The following SRGAP2 variants were observed in gnomAD, a reference collection of about 807,000 sequenced individuals.
SRGAP2 encodes SLIT-ROBO Rho GTPase-activating protein 2.
SRGAP2 carries 15 observed loss-of-function variants against 57.2 expected under a neutral mutation model. The observed-to-expected ratio is 0.26, with a 90% CI of 0.18 to 0.40. SRGAP2 has a LOEUF of 0.40. Ranked by LOEUF, SRGAP2 falls within the 10% of genes least tolerant of loss-of-function variation. SRGAP2 has a pLI of 1.00. For missense variants in SRGAP2, 520 were observed against 669.6 expected, an observed-to-expected ratio of 0.78 and a Z score of 2.47; for synonymous variants, 249 against 248.0, an observed-to-expected ratio of 1.00 and a Z score of -0.04.
intron 3 of SRGAP2, among the ~76,000 whole-genome samples, chr1:206,331,938 G>A (rs1674388790): frequency 5.6e-4 from 29 of 52,030 alleles, no homozygotes; most frequent in South Asian, 2.1e-3. Flanking sequence ...ATTTTGCAGC[G>A]GCTGGTACCG....
Position 206,205,767 on chromosome 1 carries a change from C to G in SRGAP2, c.-204C>G. On this transcript the variant is annotated 5_prime_UTR_variant, in exon 2 of 23. Transcript: ENST00000573034. ...CACAGGCACCAGCCGCCGCCGCACC[C>G]GGCCCCAGCGCCCACCGTCTGCATG... is the stretch of plus-strand genomic sequence containing the variant. 1.5e-6 allele frequency: 1 copy of G among 675,940 alleles called. No homozygotes were observed. Among genetic ancestry groups the G allele is most frequent in the Non-Finnish European group, 2.5e-6 (1 of 395,008 alleles). The allele number at this position is 675,940 out of a possible 1,614,324, so 41.9% of individuals were successfully genotyped here.
rs1242719367 is a variant in SRGAP2, at chr1:206,257,740, ATATACATATATATATAC to A, written c.68-45536_68-45520del. 5.4e-3 allele frequency among the ~76,000 whole-genome samples: 636 copies of A among 117,242 alleles called. 1 individual carries two copies. Among genetic ancestry groups the A allele is most frequent in the Admixed American group, 7.5e-3 (88 of 11,724 alleles). The allele number at this position is 117,242 out of a possible 152,430, so 76.9% of individuals were successfully genotyped here. On this transcript the variant is annotated intron_variant, in intron 2 of 22. Transcript: ENST00000573034. ...GTGGTGGTAGGAAAGCAGACTATAT[ATATACATATATATATAC>A]TATATATATACATGCAACAAATGAT... is the stretch of plus-strand genomic sequence containing the variant.
At chr1:206,283,095 G>A (rs1670821343) in intron 2 of SRGAP2, among the ~76,000 whole-genome samples, 1 of 151,610 alleles carries the variant, frequency 6.6e-6, no homozygotes, top group African/African-American at 2.4e-5. Context: ...CATGCTGTTG[G>A]CTGGAGTACT....
chr1:206,312,013 A>C (rs538097000), intron 3 of SRGAP2: 9 of 152,384 alleles, frequency 5.9e-5, no homozygotes, highest in African/African-American at 2.2e-4. Flanking sequence ...ATTTTCATTC[A>C]GTTGGTGAAC....
At chr1:206,446,392 C>A in intron 18 of SRGAP2, 93 bp downstream of exon 18, 1 of 730,966 alleles carries the variant, frequency 1.4e-6, no homozygotes. Flanking sequence ...AGGGAAACAC[C>A]CAGATCCTCC....
At chr1:206,220,755 TC>T (rs782697340) in intron 2 of SRGAP2, among the ~76,000 whole-genome samples, 1 of 152,160 alleles carries the variant, frequency 6.6e-6, no homozygotes, top group Non-Finnish European at 1.5e-5. Flanking sequence ...TCATTTGGGT[TC>T]TCAGCAACTT....
intron 14 of SRGAP2, among the ~76,000 whole-genome samples, chr1:206,436,095 A>AT (rs11412848): frequency 0.28 from 41,459 of 149,712 alleles, 5,951 homozygotes; most frequent in South Asian, 0.36. Flanking sequence ...TTTTGGGGGG[A>AT]TTTTTTTTTT....
At chr1:206,327,299 C>G (rs1673998923) in intron 3 of SRGAP2, among the ~76,000 whole-genome samples, 1 of 151,552 alleles carries the variant, frequency 6.6e-6, no homozygotes, top group Non-Finnish European at 1.5e-5. Flanking sequence ...TGCACTCTAG[C>G]CTGGACAACA....
chr1:206,307,616 C>T (rs1363671333), intron 3 of SRGAP2, among the ~76,000 whole-genome samples: 5 of 152,246 alleles, frequency 3.3e-5, no homozygotes, highest in African/African-American at 1.2e-4. Context: ...GCAGCTAAGG[C>T]CCAGTGAGAA....
Position 206,454,474 on chromosome 1 carries a change from A to G in SRGAP2, c.2361-404A>G, listed in dbSNP as rs782075399. 2.1e-6 allele frequency: 1 copy of G among 471,334 alleles called. No homozygotes were observed. Among genetic ancestry groups the G allele is most frequent in the South Asian group, 3.1e-5 (1 of 31,824 alleles). 29.2% of individuals were successfully genotyped at this position (471,334 alleles called of 1,614,324 possible). A position where few individuals can be genotyped will look rare whatever the true frequency, so the allele number is the denominator to read the frequency against. On this transcript the variant is annotated intron_variant, in intron 20 of 22. Coordinates refer to ENST00000573034, the MANE Select transcript of SRGAP2 (RefSeq NM_015326.5). The surrounding 1 kb of genome is among the most constrained non-coding windows in gnomAD (Gnocchi z 4.3). Reference sequence around the variant, plus strand: ...GCCGCCGTCTCCAGAGCCACCACACAGTTGACTGTCCTTACCCGGCAGTGC... The same window carrying G: ...GCCGCCGTCTCCAGAGCCACCACACGGTTGACTGTCCTTACCCGGCAGTGC...
intron 5 of SRGAP2, among the ~76,000 whole-genome samples, chr1:206,390,038 CTATAAATATATATT>C (rs1201700144): frequency 3.5e-5 from 5 of 144,654 alleles, no homozygotes; most frequent in African/African-American, 1.0e-4. Context: ...CCTATCTTGA[CTATAAATATATATT>C]TATAAATATA....
chr1:206,301,562 AC>A (rs1671874904), intron 2 of SRGAP2, among the ~76,000 whole-genome samples: 6 of 147,734 alleles, frequency 4.1e-5, no homozygotes. Context: ...GCAGATCTTT[AC>A]CCCCAATACC....
At chr1:206,220,617 C>G (rs1490887068) in intron 2 of SRGAP2, among the ~76,000 whole-genome samples, 3 of 152,208 alleles carry the variant, frequency 2.0e-5, no homozygotes, top group Non-Finnish European at 4.4e-5. Context: ...CCATCTTGTT[C>G]CAGTGACCCA....
chr1:206,252,316 T>C (rs1287004232), intron 2 of SRGAP2, among the ~76,000 whole-genome samples: 1 of 152,044 alleles, frequency 6.6e-6, no homozygotes, highest in Non-Finnish European at 1.5e-5. Flanking sequence ...ATTGGTGCCT[T>C]AGACGCAAGC....
At chr1:206,456,806 C>A (rs1013551726) in intron 21 of SRGAP2, among the ~76,000 whole-genome samples, 1 of 152,118 alleles carries the variant, frequency 6.6e-6, no homozygotes, top group Non-Finnish European at 1.5e-5. Flanking sequence ...CTGCCCCCCA[C>A]GCCACTCCTC....
intron 3 of SRGAP2, among the ~76,000 whole-genome samples, chr1:206,307,268 C>T (rs1227274401): frequency 1.3e-5 from 2 of 151,910 alleles, no homozygotes; most frequent in Admixed American, 6.6e-5. Flanking sequence ...TACAGAGTGT[C>T]GATTGGTGCA....
intron 10 of SRGAP2, among the ~76,000 whole-genome samples, chr1:206,409,672 C>T (rs548711472): frequency 6.5e-4 from 98 of 151,592 alleles, no homozygotes; most frequent in African/African-American, 2.2e-3. Context: ...ATCCCAGCTA[C>T]TCAGGAGGCT....
At chr1:206,307,364 C>G (rs1457409289) in intron 3 of SRGAP2, among the ~76,000 whole-genome samples, 2 of 152,270 alleles carry the variant, frequency 1.3e-5, no homozygotes, top group African/African-American at 4.8e-5. Context: ...ATGTCCCCAC[C>G]AGACTCAGGA....
At chr1:206,378,144 G>C (rs1655376042) in intron 4 of SRGAP2, among the ~76,000 whole-genome samples, 1 of 140,974 alleles carries the variant, frequency 7.1e-6, no homozygotes, top group Non-Finnish European at 1.5e-5. Flanking sequence ...TTTAGGCCAG[G>C]AGTTTGAGAC....
Sources: allele counts gnomAD v4.1 joint callset (sites outside exome capture counted in the v4.1 genomes callset), GRCh38; gene constraint gnomAD v4.1.1; non-coding constraint Gnocchi (gnomAD v3.1); transcripts MANE v1.5; gene names NCBI Gene and HGNC (gene_info 2026-07-23, HGNC 2026-07-21).